Variants in LRRIQ4 observed in about 807,000 individuals in gnomAD.
LRRIQ4 encodes leucine-rich repeat and IQ domain-containing protein 4.
A neutral mutation model predicts 40.1 loss-of-function variants in LRRIQ4; 21 were observed. The observed-to-expected ratio is 0.52, with a 90% CI of 0.37 to 0.75. The LOEUF (loss-of-function observed/expected upper bound fraction) is 0.75, where lower values mean the gene tolerates loss of function less well. Ranked by LOEUF, LRRIQ4 falls within the 30% of genes least tolerant of loss-of-function variation. The pLI is 0.00. For synonymous variants in LRRIQ4, 277 were observed against 277.1 expected (o/e 1.00, Z 0.00); for missense variants, 655 against 660.0 (o/e 0.99, Z 0.08).
At chr3:169,831,496 G>A (rs1234577601) in intron 4 of LRRIQ4, among the ~76,000 whole-genome samples, 4 of 106,274 alleles carry the variant, frequency 3.8e-5, no homozygotes, top group Non-Finnish European at 5.3e-5. Flanking sequence ...TAGAGACGGG[G>A]TTTCACTGTG....
chr3:169,814,630 C>T (rs1779725019), intron 1 of LRRIQ4, among the ~76,000 whole-genome samples: 1 of 152,112 alleles, frequency 6.6e-6, no homozygotes, highest in Non-Finnish European at 1.5e-5. Flanking sequence ...GGATTACAGG[C>T]GCCCCCCACT....
intron 1 of LRRIQ4, among the ~76,000 whole-genome samples, chr3:169,815,698 G>A (rs1779750773): frequency 6.6e-6 from 1 of 152,114 alleles, no homozygotes; most frequent in Admixed American, 6.5e-5. Flanking sequence ...GGTTAAAGTG[G>A]GCATCCTTAT....
At chr3:169,827,532 G>C (rs1576766503) in intron 2 of LRRIQ4, among the ~76,000 whole-genome samples, 1 of 148,516 alleles carries the variant, frequency 6.7e-6, no homozygotes, top group Admixed American at 6.8e-5. Context: ...GCGTGAACCC[G>C]GGAAGCGGAG....
chr3:169,831,422 C>T (rs1188962611), intron 4 of LRRIQ4, among the ~76,000 whole-genome samples: 3 of 132,716 alleles, frequency 2.3e-5, no homozygotes, highest in Non-Finnish European at 3.1e-5. Flanking sequence ...TACAGGCGCC[C>T]GCCACCACGC....
intron 4 of LRRIQ4, among the ~76,000 whole-genome samples, chr3:169,831,433 C>T (rs1189727568): frequency 7.8e-6 from 1 of 128,320 alleles, no homozygotes; most frequent in Non-Finnish European, 1.6e-5. Flanking sequence ...GCCACCACGC[C>T]CGGCTAATTT....
In LRRIQ4 at chr3:169,837,619, A is replaced by G. The variant is rs1780339355; in HGVS notation, c.1671A>G (p.Gly557=). 6.3e-7 allele frequency: 1 copy of G among 1,575,898 alleles called. No individual in the cohort carries two copies. Among genetic ancestry groups the G allele is most frequent in the East Asian group, 2.3e-5 (1 of 43,788 alleles). ...ATGTAAAAGGAAAACCAGGAAAGGG[A>G]AAAAAGAAATAATCCTGTAAATTGA... is the stretch of plus-strand genomic sequence containing the variant. ...KKDVKGKPGK[G]KKK The change falls in exon 6 of 6, where the codon GGA becomes GGG. Residue 557 remains glycine, a synonymous_variant. Transcript: ENST00000340806.
At chr3:169,832,919 A>T in intron 4 of LRRIQ4, 68 bp from the exon 5 acceptor site, 1 of 1,357,356 alleles carries the variant, frequency 7.4e-7, no homozygotes. Context: ...CTATGTGGAC[A>T]GGATTAGGTG....
intron 2 of LRRIQ4, among the ~76,000 whole-genome samples, chr3:169,826,828 G>T (rs1780050223): frequency 6.6e-6 from 1 of 152,152 alleles, no homozygotes; most frequent in Non-Finnish European, 1.5e-5. Context: ...TTTCTCCAAA[G>T]ATTGACTTCA....
chr3:169,830,006 A>C (rs1780125891), intron 3 of LRRIQ4, among the ~76,000 whole-genome samples: 1 of 152,200 alleles, frequency 6.6e-6, no homozygotes, highest in African/African-American at 2.4e-5. Context: ...AAGTACAAAC[A>C]TTAGATTTTT....
At chr3:169,819,821 A>G (rs1576760061) in intron 1 of LRRIQ4, among the ~76,000 whole-genome samples, 1 of 152,230 alleles carries the variant, frequency 6.6e-6, no homozygotes, top group Non-Finnish European at 1.5e-5. Context: ...CTCAGTCTAC[A>G]TACTGTGGAG....
rs1780341600 is a variant in LRRIQ4, at chr3:169,837,703, C to T, written c.*72C>T. On this transcript the variant is annotated 3_prime_UTR_variant, in exon 6 of 6. Coordinates refer to ENST00000340806, the MANE Select transcript of LRRIQ4 (RefSeq NM_001080460.3). ...AGACAAAATATCTAGGAATTAGATG[C>T]CTACTACATTAAAATTATTCATAAA... 1 of 1,126,800 alleles carries T rather than the reference C, an allele frequency of 8.9e-7. No homozygotes were observed. Among genetic ancestry groups the T allele is most frequent in the Admixed American group, 3.3e-5 (1 of 30,692 alleles). The allele number at this position is 1,126,800 out of a possible 1,614,324, so 69.8% of individuals were successfully genotyped here.
At chr3:169,821,765 T>G (rs779071228) in intron 1 of LRRIQ4, among the ~76,000 whole-genome samples, 126 bp from the exon 2 acceptor site, 1 of 152,292 alleles carries the variant, frequency 6.6e-6, no homozygotes, top group African/African-American at 2.4e-5. Context: ...AACCTAAATT[T>G]TATGTTCTGT....
rs777595625 is a variant in LRRIQ4, at chr3:169,830,650, T to C, written c.1333+20T>C. 4 of 1,613,780 alleles carry C rather than the reference T, an allele frequency of 2.5e-6. No homozygotes were observed. The highest frequency in any genetic ancestry group is 3.4e-6 in the Non-Finnish European group (4 of 1,179,804). On this transcript the variant is annotated intron_variant, in intron 4 of 5. Transcript: ENST00000340806. ...CACAAGGTGAGGAAACTTAGTAGAT[T>C]CACAGCCTAGCAGAGTTTGTGGCCA... is the stretch of plus-strand genomic sequence containing the variant.
At position 169,828,979 on chromosome 3, in the gene LRRIQ4, C is replaced by T. The variant is rs372003927; in HGVS notation, c.1194+47C>T. ...GGCTAAGAAGCACCTGTCACTGCCT[C>T]TTAAATTGGCTGAAACTGAGAAAAT... On this transcript the variant is annotated intron_variant, in intron 3 of 5. Transcript: ENST00000340806. The T allele has an allele frequency of 3.9e-6, 6 of 1,524,846 alleles. No homozygotes were observed. The African/African-American group carries it at 8.4e-5, about 21-fold the overall frequency. 94.5% of individuals were successfully genotyped at this position (1,524,846 alleles called of 1,614,324 possible). A position where few individuals can be genotyped will look rare whatever the true frequency, so the allele number is the denominator to read the frequency against.
intron 3 of LRRIQ4, 85 bp from the exon 4 acceptor site, chr3:169,830,407 A>AAT: frequency 1.8e-6 from 1 of 565,074 alleles, no homozygotes; most frequent in Non-Finnish European, 2.5e-6. Context: ...AAAAAAAAAA[A>AAT]AATGCATGAG....
chr3:169,818,710 C>T (rs1779813662), intron 1 of LRRIQ4, among the ~76,000 whole-genome samples: 1 of 152,136 alleles, frequency 6.6e-6, no homozygotes, highest in Non-Finnish European at 1.5e-5. Context: ...TCTTTATTAC[C>T]ATTACATGAA....
chr3:169,822,841 T>G lies in LRRIQ4; in HGVS notation c.920T>G (p.Phe307Cys). The change falls in exon 2 of 6, where the codon TTC (phenylalanine) becomes TGC (cysteine). Residue 307 changes from phenylalanine (F) to cysteine (C), a missense_variant. Transcript: ENST00000340806. ...TTCAGGTGCCTGGTCAACTTGCGCT[T>G]CCTGGACCTAAGCCAGAACCATCTG... The part of the protein sequence containing the change: ...GSFRCLVNLR[F>C]LDLSQNHLHH... 6.2e-7 allele frequency: 1 copy of G among 1,613,244 alleles called. No homozygotes were observed. Among genetic ancestry groups the G allele is most frequent in the Non-Finnish European group, 8.5e-7 (1 of 1,179,536 alleles).
chr3:169,830,772 T>C, intron 4 of LRRIQ4, 142 bp downstream of exon 4: 1 of 1,005,666 alleles, frequency 9.9e-7, no homozygotes. Flanking sequence ...CAGGGCTCAC[T>C]TAGCGACATG....
chr3:169,833,307 T>C (rs1006928042), intron 5 of LRRIQ4, 124 bp downstream of exon 5: 30 of 790,414 alleles, frequency 3.8e-5, no homozygotes, highest in Non-Finnish European at 5.4e-5. Context: ...GAGAAGTTAC[T>C]TGGTAACTTT....
Sources: gnomAD v4.1 joint callset for allele counts (sites outside exome capture counted in the v4.1 genomes callset) on GRCh38, gnomAD v4.1.1 for gene constraint, MANE v1.5 for transcripts, NCBI Gene and HGNC (gene_info 2026-07-23, HGNC 2026-07-21) for gene names.